The following OR1J1 variants were observed in gnomAD, a reference collection of about 807,000 sequenced individuals.
OR1J1 encodes the protein olfactory receptor 1J1.
For missense variants in OR1J1, 392 were observed against 393.9 expected (o/e 1.00, Z 0.04); for synonymous variants, 165 against 157.2 (o/e 1.05, Z -0.37).
rs1466627290 is a variant in OR1J1 at position 122,477,035 on chromosome 9, T to C, written c.892A>G (p.Lys298Glu). 8 of 1,613,984 alleles carry C rather than the reference T, an allele frequency of 5.0e-6. No individual in the cohort carries two copies. Among genetic ancestry groups the C allele is most frequent in the Non-Finnish European group, 6.8e-6 (8 of 1,179,868 alleles). The change falls in exon 1 of 1, where the codon AAG (lysine) becomes GAG (glutamate). Residue 298 changes from lysine to glutamate, a missense_variant. Physicochemically the swap from Lys to Glu is moderately conservative, Grantham distance 56. Transcript: ENST00000259357. ...FIYSLRNKDIKGALRKLLSRS... is the reference protein window; with the variant it reads ...FIYSLRNKDIEGALRKLLSRS... ...CTCAAGAGTTTTCTTAGGGCTCCCT[T>C]AATGTCTTTATTTCTCAGACTGTAA...
chr9:122,477,571 G>C lies in OR1J1; in HGVS notation c.356C>G (p.Ala119Gly). 19 of 1,614,062 alleles carry C rather than the reference G, an allele frequency of 1.2e-5. No homozygotes were observed. Among genetic ancestry groups the C allele is most frequent in the Non-Finnish European group, 1.4e-5 (17 of 1,179,894 alleles). The change falls in exon 1 of 1, where the codon GCA becomes GGA. Residue 119 changes from alanine (A) to glycine (G), a missense_variant. By Grantham distance (60) the Ala-to-Gly change is moderately conservative. Transcript: ENST00000259357. The stretch of plus-strand genomic sequence containing the variant: ...ACAGATGGCCACATACCTGTCATAT[G>C]CCATTGAAGTGATAAGGAAACTGTC... ...DLDSFLITSMAYDRYVAICHP... is the reference protein window; with the variant it reads ...DLDSFLITSMGYDRYVAICHP...
Position 122,477,152 on chromosome 9 carries a change from A to G in OR1J1, c.775T>C (p.Tyr259His). 1 of 1,614,246 alleles carries G rather than the reference A, an allele frequency of 6.2e-7. No individual in the cohort carries two copies. Among genetic ancestry groups the G allele is most frequent in the Non-Finnish European group, 8.5e-7 (1 of 1,180,036 alleles). Residue 259 changes from tyrosine (Y) to histidine (H), a missense_variant, in exon 1 of 1, where the codon TAT becomes CAT. Coordinates refer to ENST00000259357, the MANE Select transcript of OR1J1 (RefSeq NM_001004451.1). ...GTGTTGCTGGATGGGGGAAGAAAAT[A>G]GAGACCAATAATTGTCCGATAATAG... ...TIYYRTIIGL[Y>H]FLPPSSNTND... is the part of the protein sequence containing the mutation.
rs780567673 is a variant in OR1J1 at position 122,477,217 on chromosome 9, G to T, written c.710C>A (p.Ala237Asp). Residue 237 changes from alanine to aspartate, a missense_variant, in exon 1 of 1, where the codon GCC (alanine) becomes GAC (aspartate). Ala to Asp is a moderately radical substitution (Grantham distance 126). Coordinates refer to ENST00000259357, the MANE Select transcript of OR1J1 (RefSeq NM_001004451.1). ...QIPSTKGICKALSTCGSHLSV... is the reference protein window; with the variant it reads ...QIPSTKGICKDLSTCGSHLSV... ...GAGGTGGGATCCACAAGTGGACAAG[G>T]CTTTGCATATGCCCTTGGTAGAGGG... 11 of 1,614,006 alleles carry T rather than the reference G, an allele frequency of 6.8e-6. No individual in the cohort carries two copies. The highest frequency in any genetic ancestry group is 8.5e-6 in the Non-Finnish European group (10 of 1,179,954).
chr9:122,477,650 A>T lies in OR1J1; in HGVS notation c.277T>A (p.Phe93Ile). 6.2e-7 allele frequency: 1 copy of T among 1,614,276 alleles called. No homozygotes were observed. The highest frequency in any genetic ancestry group is 1.1e-5 in the South Asian group (1 of 91,090). ...GTCTGTGAAATGCATCCCTTGTAAA[A>T]GACGGCTAGGTGCTGAGTCTGCATG... ...MNMQTQHLAV[F>I]YKGCISQTYF... The change falls in exon 1 of 1, where the codon TTT becomes ATT. Residue 93 changes from phenylalanine to isoleucine, a missense_variant. Physicochemically the swap from Phe to Ile is conservative, Grantham distance 21. Transcript: ENST00000259357.
chr9:122,477,024 T>C lies in OR1J1; in HGVS notation c.903A>G (p.Leu301=), dbSNP rs770589006. 8 of 1,613,636 alleles carry C rather than the reference T, an allele frequency of 5.0e-6. No homozygotes were observed. The Admixed American group carries it at 8.3e-5, about 17-fold the overall frequency. Residue 301 remains leucine, a synonymous_variant, in exon 1 of 1, where the codon CTA becomes CTG. Transcript: ENST00000259357. ...CGCCTGACCTACTCAAGAGTTTTCTTAGGGCTCCCTTAATGTCTTTATTTC... is the reference window on the plus strand; with the variant it reads ...CGCCTGACCTACTCAAGAGTTTTCTCAGGGCTCCCTTAATGTCTTTATTTC... ...SLRNKDIKGA[L]RKLLSRSGAV...
Position 122,477,615 on chromosome 9 carries a change from GA to G in OR1J1, c.311del (p.Phe104SerfsTer7), listed in dbSNP as rs1839586845. ...YKGCISQTYFFIFFADLDSFL... is the reference protein window; with the variant it reads ...YKGCISQTYFXIFFADLDSFL... ...AACTGTCTAAGTCAGCAAAAAATATGAAAAAATATGTCTGTGAAATGCATCC... is the reference window on the plus strand; with the variant it reads ...AACTGTCTAAGTCAGCAAAAAATATGAAAAATATGTCTGTGAAATGCATCC... On this transcript the variant is annotated frameshift_variant, in exon 1 of 1. Transcript: ENST00000259357. LOFTEE classifies it low-confidence loss of function (END_TRUNC). 1.2e-6 allele frequency: 2 copies of G among 1,614,046 alleles called. No individual in the cohort carries two copies. Among genetic ancestry groups the G allele is most frequent in the African/African-American group, 2.7e-5 (2 of 74,924 alleles).
Position 122,477,679 on chromosome 9 carries a change from A to T in OR1J1, c.248T>A (p.Met83Lys), listed in dbSNP as rs757476169. Reference protein sequence around the residue: ...FSSVTVPKMLMNMQTQHLAVF... With the variant: ...FSSVTVPKMLKNMQTQHLAVF... The stretch of plus-strand genomic sequence containing the variant: ...GGCTAGGTGCTGAGTCTGCATGTTC[A>T]TCAGCATCTTAGGGACAGTGACAGA... Residue 83 changes from methionine (M) to lysine (K), a missense_variant, in exon 1 of 1, where the codon ATG becomes AAG. Coordinates refer to ENST00000259357, the MANE Select transcript of OR1J1 (RefSeq NM_001004451.1). 1 of 1,614,110 alleles carries T rather than the reference A, an allele frequency of 6.2e-7. No individual in the cohort carries two copies. Among genetic ancestry groups the T allele is most frequent in the Non-Finnish European group, 8.5e-7 (1 of 1,180,024 alleles).
chr9:122,477,470 A>G lies in OR1J1; in HGVS notation c.457T>C (p.Cys153Arg). 6.2e-7 allele frequency: 1 copy of G among 1,614,058 alleles called. No individual in the cohort carries two copies. The highest frequency in any genetic ancestry group is 8.5e-7 in the Non-Finnish European group (1 of 1,179,966). Residue 153 changes from cysteine (C) to arginine (R), a missense_variant, in exon 1 of 1, where the codon TGT (cysteine) becomes CGT (arginine). Coordinates refer to ENST00000259357, the MANE Select transcript of OR1J1 (RefSeq NM_001004451.1). ...AGGGTATGCAAAAGAGCACACGCAC[A>G]AGCGATGACCCAGGACCCAGCCACC... ...MLVAGSWVIACACALLHTLLL... is the reference protein window; with the variant it reads ...MLVAGSWVIARACALLHTLLL...
At position 122,477,673 on chromosome 9, in the gene OR1J1, A is replaced by T; in HGVS notation, c.254T>A (p.Met85Lys). 1 of 1,614,228 alleles carries T rather than the reference A, an allele frequency of 6.2e-7. No individual in the cohort carries two copies. The highest frequency in any genetic ancestry group is 8.5e-7 in the Non-Finnish European group (1 of 1,180,024). The part of the protein sequence containing the change: ...SVTVPKMLMN[M>K]QTQHLAVFYK... ...AAAGACGGCTAGGTGCTGAGTCTGC[A>T]TGTTCATCAGCATCTTAGGGACAGT... The change falls in exon 1 of 1, where the codon ATG (methionine) becomes AAG (lysine). Residue 85 changes from methionine to lysine, a missense_variant. Coordinates refer to ENST00000259357, the MANE Select transcript of OR1J1 (RefSeq NM_001004451.1).
rs1839579283 is a variant in OR1J1, at chr9:122,477,286, A to G, written c.641T>C (p.Ile214Thr). The G allele has an allele frequency of 1.9e-6, 3 of 1,614,074 alleles. No individual in the cohort carries two copies. Among genetic ancestry groups the G allele is most frequent in the African/African-American group, 2.7e-5 (2 of 74,938 alleles). The change falls in exon 1 of 1, where the codon ATC becomes ACC. Residue 214 changes from isoleucine (I) to threonine (T), a missense_variant. Ile to Thr is a moderately conservative substitution (Grantham distance 89, BLOSUM62 -1). Coordinates refer to ENST00000259357, the MANE Select transcript of OR1J1 (RefSeq NM_001004451.1). ...LTAIMLPFLC[I>T]LVSYGHIGVT... ...CCCAATGTGACCATAAGAAACCAGG[A>G]TGCACAGGAATGGAAGCATAATGGC...
chr9:122,477,049 C>T lies in OR1J1; in HGVS notation c.878G>A (p.Arg293Lys), dbSNP rs768235840. 2 of 1,614,088 alleles carry T rather than the reference C, an allele frequency of 1.2e-6. No individual in the cohort carries two copies. The highest frequency in any genetic ancestry group is 2.2e-5 in the East Asian group (1 of 44,872). ...PMLNPFIYSL[R>K]NKDIKGALRK... ...TAGGGCTCCCTTAATGTCTTTATTT[C>T]TCAGACTGTAAATGAATGGGTTCAA... The change falls in exon 1 of 1, where the codon AGA becomes AAA. Residue 293 changes from arginine (R) to lysine (K), a missense_variant. Coordinates refer to ENST00000259357, the MANE Select transcript of OR1J1 (RefSeq NM_001004451.1).
Position 122,477,679 on chromosome 9 carries a change from A to C in OR1J1, c.248T>G (p.Met83Arg), listed in dbSNP as rs757476169. The change falls in exon 1 of 1, where the codon ATG (methionine) becomes AGG (arginine). Residue 83 changes from methionine to arginine, a missense_variant. Transcript: ENST00000259357. The part of the protein sequence containing the change: ...FSSVTVPKML[M>R]NMQTQHLAVF... ...GGCTAGGTGCTGAGTCTGCATGTTC[A>C]TCAGCATCTTAGGGACAGTGACAGA... 3.1e-6 allele frequency: 5 copies of C among 1,614,228 alleles called. No homozygotes were observed. The Admixed American group carries it at 8.3e-5, about 27-fold the overall frequency.
rs770071392 is a variant in OR1J1, at chr9:122,477,449, T to C, written c.478A>G (p.Thr160Ala). ...AAGGAAAGCTGGGCCAGGAGGAGGG[T>C]ATGCAAAAGAGCACACGCACAAGCG... is the stretch of plus-strand genomic sequence containing the variant. ...VIACACALLH[T>A]LLLAQLSFCA... is the part of the protein sequence containing the mutation. Residue 160 changes from threonine (T) to alanine (A), a missense_variant, in exon 1 of 1, where the codon ACC becomes GCC. Coordinates refer to ENST00000259357, the MANE Select transcript of OR1J1 (RefSeq NM_001004451.1). 4.5e-5 allele frequency: 73 copies of C among 1,613,174 alleles called. No individual in the cohort carries two copies. Among genetic ancestry groups the C allele is most frequent in the Non-Finnish European group, 6.1e-5 (72 of 1,179,772 alleles).
In OR1J1 at chr9:122,477,699, G is replaced by A. The variant is rs1020042341; in HGVS notation, c.228C>T (p.Val76=). 6.2e-7 allele frequency: 1 copy of A among 1,614,174 alleles called. No homozygotes were observed. The highest frequency in any genetic ancestry group is 8.5e-7 in the Non-Finnish European group (1 of 1,180,010). ...LALTDISFSS[V]TVPKMLMNMQ... Reference sequence around the variant, plus strand: ...TGTTCATCAGCATCTTAGGGACAGTGACAGATGAAAAGGAGATGTCAGTGA... The same window carrying A: ...TGTTCATCAGCATCTTAGGGACAGTAACAGATGAAAAGGAGATGTCAGTGA... The change falls in exon 1 of 1, where the codon GTC becomes GTT. Residue 76 remains valine, a synonymous_variant. Transcript: ENST00000259357.
rs1019181353 is a variant in OR1J1, at chr9:122,477,720, A to G, written c.207T>C (p.Thr69=). The change falls in exon 1 of 1, where the codon ACT becomes ACC. Residue 69 remains threonine, a synonymous_variant. Coordinates refer to ENST00000259357, the MANE Select transcript of OR1J1 (RefSeq NM_001004451.1). ...MYFFLSHLAL[T]DISFSSVTVP... ...CAGTGACAGATGAAAAGGAGATGTC[A>G]GTGAGGGCCAAGTGGCTAAGGAAGA... 1.2e-6 allele frequency: 2 copies of G among 1,614,216 alleles called. No homozygotes were observed. Among genetic ancestry groups the G allele is most frequent in the Admixed American group, 1.7e-5 (1 of 60,028 alleles).
rs199564259 is a variant in OR1J1 at position 122,477,352 on chromosome 9, G to T, written c.575C>A (p.Thr192Asn). The change falls in exon 1 of 1, where the codon ACC becomes AAC. Residue 192 changes from threonine (T) to asparagine (N), a missense_variant. Transcript: ENST00000259357. ...GALLKLSCSDTSLNQLAIFTA... is the reference protein window; with the variant it reads ...GALLKLSCSDNSLNQLAIFTA... ...AAAGATTGCTAACTGATTGAGGGAG[G>T]TGTCTGAGCAGGACAACTTGAGCAG... 57 of 1,613,922 alleles carry T rather than the reference G, an allele frequency of 3.5e-5. 1 individual carries two copies. In the African/African-American group the frequency reaches 7.3e-4, roughly 21 times the overall value.
In OR1J1 at chr9:122,477,744, G is replaced by A; in HGVS notation, c.183C>T (p.Phe61=). ...CAGTGAGGGCCAAGTGGCTAAGGAAGAAGTACATGGGGGTGTGAAGGTGAG... is the reference window on the plus strand; with the variant it reads ...CAGTGAGGGCCAAGTGGCTAAGGAAAAAGTACATGGGGGTGTGAAGGTGAG... ...LDSHLHTPMY[F]FLSHLALTDI... is the part of the protein sequence containing the mutation. The change falls in exon 1 of 1, where the codon TTC becomes TTT. Residue 61 remains phenylalanine, a synonymous_variant. Transcript: ENST00000259357. The A allele has an allele frequency of 6.2e-7, 1 of 1,614,176 alleles. No individual in the cohort carries two copies. The highest frequency in any genetic ancestry group is 8.5e-7 in the Non-Finnish European group (1 of 1,180,032).
At position 122,477,225 on chromosome 9, in the gene OR1J1, T is replaced by G. The variant is rs1316148792; in HGVS notation, c.702A>C (p.Ile234=). Residue 234 remains isoleucine (I), a synonymous_variant, in exon 1 of 1, where the codon ATA becomes ATC. Coordinates refer to ENST00000259357, the MANE Select transcript of OR1J1 (RefSeq NM_001004451.1). ...TILQIPSTKG[I]CKALSTCGSH... ...ATCCACAAGTGGACAAGGCTTTGCA[T>G]ATGCCCTTGGTAGAGGGAATCTGGA... The G allele has an allele frequency of 6.2e-7, 1 of 1,614,076 alleles. No homozygotes were observed. Among genetic ancestry groups the G allele is most frequent in the Admixed American group, 1.7e-5 (1 of 60,028 alleles).
chr9:122,477,789 C>G lies in OR1J1; in HGVS notation c.138G>C (p.Met46Ile), dbSNP rs778943338. The G allele has an allele frequency of 2.5e-6, 4 of 1,613,900 alleles. No homozygotes were observed. In the East Asian group the frequency reaches 6.7e-5, roughly 27 times the overall value. ...GGTGAGAGTCTAGCTGGATGAGCAG[C>G]ATGATGAGCAGGTTCCCCAGCACCG... is the stretch of plus-strand genomic sequence containing the variant. ...LTTVLGNLLI[M>I]LLIQLDSHLH... The change falls in exon 1 of 1, where the codon ATG becomes ATC. Residue 46 changes from methionine (M) to isoleucine (I), a missense_variant. Met to Ile is a conservative substitution (Grantham distance 10, BLOSUM62 1). Coordinates refer to ENST00000259357, the MANE Select transcript of OR1J1 (RefSeq NM_001004451.1).
Sources: gnomAD v4.1 joint callset for allele counts on GRCh38, gnomAD v4.1.1 for gene constraint, MANE v1.5 for transcripts, NCBI Gene and HGNC (gene_info 2026-07-23, HGNC 2026-07-21) for gene names.